Variants in NFATC2 observed in about 807,000 individuals in gnomAD.
NFATC2 encodes the protein nuclear factor of activated T cells 2.
In NFATC2, 22 loss-of-function variants were observed where a neutral mutation model predicts 87.3. The observed-to-expected ratio is 0.25, with a 90% confidence interval of 0.18 to 0.36. The LOEUF (loss-of-function observed/expected upper bound fraction) is 0.36. Among genes scored for constraint, NFATC2 ranks in the 10% least tolerant of loss-of-function variants. The pLI is 1.00. For synonymous variants in NFATC2, 565 were observed against 542.2 expected (o/e 1.04, Z -0.58); for missense variants, 1,149 against 1,259.1 (o/e 0.91, Z 1.32).
chr20:51,410,079 G>A (rs1206391738), intron 9 of NFATC2, among the ~76,000 whole-genome samples: 6 of 151,964 alleles, frequency 3.9e-5, no homozygotes, highest in East Asian at 3.9e-4. Context: ...GCGTGGTGGC[G>A]GGCGCCTGTA....
intron 9 of NFATC2, among the ~76,000 whole-genome samples, chr20:51,411,779 T>C (rs1269362038): frequency 6.6e-6 from 1 of 152,056 alleles, no homozygotes; most frequent in Non-Finnish European, 1.5e-5. Flanking sequence ...CCACCTGCCT[T>C]GGCCTCCCAA....
At chr20:51,458,706 C>T (rs866806927) in intron 5 of NFATC2, among the ~76,000 whole-genome samples, 7 of 151,248 alleles carry the variant, frequency 4.6e-5, no homozygotes, top group African/African-American at 1.5e-4. Context: ...CCCAGCTACT[C>T]GGGAGGCTGA....
chr20:51,396,531 T>A (rs1447940534), intron 10 of NFATC2, among the ~76,000 whole-genome samples: 2 of 152,092 alleles, frequency 1.3e-5, no homozygotes, highest in African/African-American at 4.8e-5. Context: ...ACCTCAAGCA[T>A]GTTTTCCAAA....
rs1291770601 is a variant in NFATC2, at chr20:51,388,890, T to A, written c.*2606A>T. 3 of 152,218 alleles carry A rather than the reference T, an allele frequency of 2.0e-5. No individual in the cohort carries two copies. The highest frequency in any genetic ancestry group is 1.3e-4 in the Admixed American group (2 of 15,284). The allele number at this position is 152,218 out of a possible 1,614,324, so 9.4% of individuals were successfully genotyped here. A position where few individuals can be genotyped will look rare whatever the true frequency, so the allele number is the denominator to read the frequency against. ...AGACACCCCTACTTTCTCATTCTCT[T>A]AGAGGATCTTATTGCCTCTTCCCGT... On this transcript the variant is annotated 3_prime_UTR_variant, in exon 11 of 11. Coordinates refer to ENST00000371564, the MANE Select transcript of NFATC2 (RefSeq NM_012340.5).
chr20:51,410,587 G>A (rs1243792927), intron 9 of NFATC2, among the ~76,000 whole-genome samples: 2 of 151,942 alleles, frequency 1.3e-5, no homozygotes, highest in Non-Finnish European at 2.9e-5. Context: ...GGAGAGAGAA[G>A]AAAGAAGGTA....
intron 1 of NFATC2, among the ~76,000 whole-genome samples, chr20:51,548,701 C>T (rs2076908888): frequency 6.6e-6 from 1 of 152,158 alleles, no homozygotes; most frequent in Admixed American, 6.5e-5. Flanking sequence ...TAGACTGGTA[C>T]CCAGTACATG....
At chr20:51,548,690 C>T (rs1385255666) in intron 1 of NFATC2, among the ~76,000 whole-genome samples, 2 of 152,190 alleles carry the variant, frequency 1.3e-5, no homozygotes, top group South Asian at 2.1e-4. Flanking sequence ...TCCCCAGATC[C>T]TAGACTGGTA....
chr20:51,469,724 C>A (rs1988021684), intron 5 of NFATC2, among the ~76,000 whole-genome samples: 1 of 152,108 alleles, frequency 6.6e-6, no homozygotes, highest in Non-Finnish European at 1.5e-5. Context: ...CAGACAGAGG[C>A]AGAGACTGGA....
At chr20:51,485,449 A>T (rs1440466950) in intron 3 of NFATC2, among the ~76,000 whole-genome samples, 1 of 152,142 alleles carries the variant, frequency 6.6e-6, no homozygotes, top group Non-Finnish European at 1.5e-5. Context: ...CCACCATCAT[A>T]TAGGAGCTGG....
chr20:51,459,096 C>A (rs1161950364), intron 5 of NFATC2, among the ~76,000 whole-genome samples: 1 of 152,188 alleles, frequency 6.6e-6, no homozygotes, highest in African/African-American at 2.4e-5. Context: ...CAAGACCCTG[C>A]ATATGACTAT....
chr20:51,493,371 T>C (rs980198633), intron 3 of NFATC2, among the ~76,000 whole-genome samples: 3 of 152,074 alleles, frequency 2.0e-5, no homozygotes, highest in Non-Finnish European at 4.4e-5. Flanking sequence ...CGTTTTCTCA[T>C]GGGGCTGTTA....
intron 10 of NFATC2, among the ~76,000 whole-genome samples, chr20:51,397,991 G>A (rs74499573): frequency 0.014 from 2,138 of 152,244 alleles, 168 homozygotes; most frequent in Admixed American, 0.13. Flanking sequence ...TCTTCTTAGC[G>A]GCCAGGCTCC....
intron 7 of NFATC2, 82 bp downstream of exon 7, chr20:51,435,624 G>T: frequency 6.9e-7 from 1 of 1,444,196 alleles, no homozygotes; most frequent in Non-Finnish European, 9.6e-7. Flanking sequence ...CACTGATGAA[G>T]GAAGGAGGGA....
At chr20:51,472,017 C>G (rs1988252625) in intron 5 of NFATC2, among the ~76,000 whole-genome samples, 1 of 152,128 alleles carries the variant, frequency 6.6e-6, no homozygotes, top group South Asian at 2.1e-4. Flanking sequence ...CTTTGGGAGG[C>G]TGAGGTGGGT....
At chr20:51,536,034 C>A (rs1367185961) in intron 1 of NFATC2, among the ~76,000 whole-genome samples, 1 of 152,164 alleles carries the variant, frequency 6.6e-6, no homozygotes, top group African/African-American at 2.4e-5. Context: ...GGCTTTAGAT[C>A]CAAATGCCCA....
chr20:51,507,255 G>A (rs1055337704), intron 3 of NFATC2, among the ~76,000 whole-genome samples: 5 of 152,148 alleles, frequency 3.3e-5, no homozygotes, highest in African/African-American at 4.8e-5. Context: ...ACCCCTCGTC[G>A]AACAGGAATA....
chr20:51,462,384 T>A (rs1431214875), intron 5 of NFATC2, among the ~76,000 whole-genome samples: 1 of 152,002 alleles, frequency 6.6e-6, no homozygotes, highest in Non-Finnish European at 1.5e-5. Context: ...AGGCAGAAGT[T>A]GCAGTGAGTC....
At chr20:51,550,310 A>T (rs1325749275) in intron 1 of NFATC2, among the ~76,000 whole-genome samples, 3 of 152,184 alleles carry the variant, frequency 2.0e-5, no homozygotes, top group Non-Finnish European at 4.4e-5. Flanking sequence ...TAATAGGCCA[A>T]GCACGGTGGC....
chr20:51,441,635 T>C (rs1480074757), intron 6 of NFATC2, among the ~76,000 whole-genome samples: 1 of 145,806 alleles, frequency 6.9e-6, no homozygotes, highest in Non-Finnish European at 1.5e-5. Flanking sequence ...GAGAATCGCT[T>C]GAACCGGGGA....
Sources: allele counts gnomAD v4.1 joint callset (sites outside exome capture counted in the v4.1 genomes callset), GRCh38; gene constraint gnomAD v4.1.1; transcripts MANE v1.5; gene names NCBI Gene and HGNC (gene_info 2026-07-23, HGNC 2026-07-21).